ARFGEF1: variants seen among roughly 807,000 people sequenced by gnomAD.
The protein encoded by ARFGEF1 is ARF guanine nucleotide exchange factor 1.
In ARFGEF1, 42 loss-of-function variants were observed where a neutral mutation model predicts 231.0. That is an observed-to-expected ratio of 0.18 (90% CI 0.14 to 0.24). ARFGEF1 has a LOEUF of 0.24. Among genes scored for constraint, ARFGEF1 ranks in the 10% least tolerant of loss-of-function variants. The pLI, the probability that ARFGEF1 is intolerant of heterozygous loss-of-function variation, is 1.00. For missense variants in ARFGEF1, 1,345 were observed against 2,192.0 expected, an observed-to-expected ratio of 0.61 and a Z score of 7.72; for synonymous variants, 710 against 732.3, an observed-to-expected ratio of 0.97 and a Z score of 0.49.
chr8:67,260,007 C>T, intron 14 of ARFGEF1, 81 bp from the exon 15 acceptor site: 2 of 821,460 alleles, frequency 2.4e-6, no homozygotes, highest in East Asian at 5.1e-5. Context: ...AGTAAATTTT[C>T]TAATAGCACC....
intron 26 of ARFGEF1, 64 bp from the exon 27 acceptor site, chr8:67,227,373 T>C (rs1839409962): frequency 6.3e-7 from 1 of 1,597,472 alleles, no homozygotes; most frequent in Non-Finnish European, 8.6e-7. Context: ...TTTTCCCCCT[T>C]TCTTCTGTTT....
At chr8:67,258,566 C>A (rs1244110579) in intron 15 of ARFGEF1, among the ~76,000 whole-genome samples, 1 of 152,072 alleles carries the variant, frequency 6.6e-6, no homozygotes, top group Non-Finnish European at 1.5e-5. Flanking sequence ...AGGTAATCTA[C>A]CCGCCTCAGC....
At chr8:67,234,023 A>C (rs1254637418) in intron 22 of ARFGEF1, among the ~76,000 whole-genome samples, 1 of 152,120 alleles carries the variant, frequency 6.6e-6, no homozygotes, top group Non-Finnish European at 1.5e-5. Flanking sequence ...AAAGTTTCCT[A>C]AGGTTAGGAA....
At chr8:67,207,375 T>C (rs73256693) in intron 34 of ARFGEF1, among the ~76,000 whole-genome samples, 254 of 152,298 alleles carry the variant, frequency 1.7e-3, no homozygotes, top group African/African-American at 5.8e-3. Flanking sequence ...ACCCCAAGAA[T>C]TTGGCAGATG....
intron 29 of ARFGEF1, among the ~76,000 whole-genome samples, chr8:67,222,505 T>C (rs555280106): frequency 7.9e-5 from 12 of 151,762 alleles, no homozygotes; most frequent in Non-Finnish European, 1.8e-4. Flanking sequence ...TGGGCTGGAG[T>C]AGAGTGGCAC....
At position 67,264,805 on chromosome 8, in the gene ARFGEF1, C is replaced by T. The variant is rs188208391; in HGVS notation, c.2123+1201G>A. ...ACTACTCCTTCTCATTTCTCAAGTA[C>T]TTCAAAATAAGTACCTTGGCAGTAC... On this transcript the variant is annotated intron_variant, in intron 14 of 38. Coordinates refer to ENST00000262215, the MANE Select transcript of ARFGEF1 (RefSeq NM_006421.5). Among the ~76,000 whole-genome samples the T allele has an allele frequency of 2.8e-3, 420 of 152,280 alleles. 2 individuals carry two copies. The highest frequency in any genetic ancestry group is 0.01 in the Middle Eastern group (3 of 294).
intron 19 of ARFGEF1, 40 bp downstream of exon 19, chr8:67,251,259 A>G (rs1001354716): frequency 6.5e-7 from 1 of 1,534,750 alleles, no homozygotes. Context: ...AGTTATATAT[A>G]AATGTACACT....
intron 28 of ARFGEF1, 60 bp downstream of exon 28, chr8:67,225,962 CT>C: frequency 6.9e-7 from 1 of 1,458,948 alleles, no homozygotes; most frequent in Non-Finnish European, 9.2e-7. Context: ...CCCAAACAAA[CT>C]TAAGATTTCA....
rs1217832756 is a variant in ARFGEF1, at chr8:67,219,441, T to C, written c.4328A>G (p.Gln1443Arg). 2.5e-6 allele frequency: 4 copies of C among 1,610,576 alleles called. No homozygotes were observed. The highest frequency in any genetic ancestry group is 2.7e-5 in the African/African-American group (2 of 74,844). ...TGTGTATCCTCTTACCTCTGTCTGT[T>C]GTTCTGGCAATTTCATATTGTCAAA... is the stretch of plus-strand genomic sequence containing the variant. ...RIFDNMKLPE[Q>R]QTEKAEWMTT... The change falls in exon 30 of 39, where the codon CAA becomes CGA. Residue 1443 changes from glutamine to arginine, a missense_variant. Gln to Arg is a conservative substitution (Grantham distance 43, BLOSUM62 1). Transcript: ENST00000262215.
At chr8:67,177,070 C>CAAAAAAAAAAAAAAAAAA (rs36084458) in intron 5 of ARFGEF1, among the ~76,000 whole-genome samples, 1 of 51,864 alleles carries the variant, frequency 1.9e-5, no homozygotes, top group Non-Finnish European at 3.9e-5. Context: ...GACTTAGTCT[C>CAAAAAAAAAAAAAAAAAA]AAAAAAAAAA....
At chr8:67,307,313 C>T (rs1451447256) in intron 1 of ARFGEF1, among the ~76,000 whole-genome samples, 1 of 152,192 alleles carries the variant, frequency 6.6e-6, no homozygotes, top group Non-Finnish European at 1.5e-5. Context: ...ACCAATTAAT[C>T]ACAAGTAGCT....
downstream of ARFGEF1, chr8:67,195,512 G>C (rs760074883): frequency 6.2e-7 from 1 of 1,614,206 alleles, no homozygotes. Context: ...TCATGGCAGA[G>C]CAGCTGAACC....
intron 14 of ARFGEF1, among the ~76,000 whole-genome samples, chr8:67,265,095 A>G (rs1049527521): frequency 6.6e-6 from 1 of 152,184 alleles, no homozygotes; most frequent in Admixed American, 6.6e-5. Flanking sequence ...ATCTGGAAAG[A>G]TGAGACTTTA....
Position 67,217,849 on chromosome 8 carries a change from T to G in ARFGEF1, c.4546A>C (p.Thr1516Pro). 2 of 1,614,076 alleles carry G rather than the reference T, an allele frequency of 1.2e-6. No individual in the cohort carries two copies. The highest frequency in any genetic ancestry group is 8.5e-7 in the Non-Finnish European group (1 of 1,179,972). ...NVVILNGEKF[T>P]LEIWDKTCNC... ...CAAGTTTTATCCCAGATTTCTAGGGTAAATTTTTCACCATTCAGAATAACA... is the reference window on the plus strand; with the variant it reads ...CAAGTTTTATCCCAGATTTCTAGGGGAAATTTTTCACCATTCAGAATAACA... Residue 1516 changes from threonine (T) to proline (P), a missense_variant, in exon 32 of 39, where the codon ACC becomes CCC. Coordinates refer to ENST00000262215, the MANE Select transcript of ARFGEF1 (RefSeq NM_006421.5).
intron 5 of ARFGEF1, among the ~76,000 whole-genome samples, chr8:67,192,272 G>A (rs143606742): frequency 2.6e-5 from 4 of 151,932 alleles, no homozygotes; most frequent in South Asian, 2.1e-4. Context: ...TTGGGGTTTC[G>A]CCATGTTGGC....
chr8:67,237,569 G>A (rs888686938), intron 22 of ARFGEF1, among the ~76,000 whole-genome samples: 17 of 152,158 alleles, frequency 1.1e-4, no homozygotes, highest in African/African-American at 3.9e-4. Context: ...GAGGTGGGGG[G>A]TTGGGGAGGG....
Position 67,199,102 on chromosome 8 carries a change from C to A in ARFGEF1, c.5386-4G>T. The A allele has an allele frequency of 6.2e-7, 1 of 1,602,488 alleles. No homozygotes were observed. Among genetic ancestry groups the A allele is most frequent in the Non-Finnish European group, 8.5e-7 (1 of 1,177,192 alleles). ...AGAATGATGCATGAGCTTTAAACTG[C>A]AGGGAAAATGAATTTCTCCATTAGT... On this transcript the variant is annotated splice_polypyrimidine_tract_variant and splice_region_variant and intron_variant, in intron 38 of 38. Transcript: ENST00000262215.
intron 3 of ARFGEF1, among the ~76,000 whole-genome samples, chr8:67,300,800 C>CAGTGA (rs1806451758): frequency 6.6e-6 from 1 of 150,974 alleles, no homozygotes; most frequent in Non-Finnish European, 1.5e-5. Context: ...GCCAAGATTA[C>CAGTGA]GCCACTGCAC....
chr8:67,204,854 A>C, intron 34 of ARFGEF1, 35 bp from the exon 35 acceptor site: 1 of 1,608,546 alleles, frequency 6.2e-7, no homozygotes, highest in Non-Finnish European at 8.5e-7. Context: ...ACATGCAAAC[A>C]AAAAATTATT....
Sources: allele counts gnomAD v4.1 joint callset (sites outside exome capture counted in the v4.1 genomes callset), GRCh38; gene constraint gnomAD v4.1.1; transcripts MANE v1.5; gene names NCBI Gene and HGNC (gene_info 2026-07-23, HGNC 2026-07-21).